Variants in CABLES1 observed in about 807,000 individuals in gnomAD.
The protein encoded by CABLES1 is CDK5 and ABL1 enzyme substrate 1.
In CABLES1, 36 loss-of-function variants were observed where a neutral mutation model predicts 57.8. That is an observed-to-expected ratio of 0.62 (90% confidence interval 0.48 to 0.82). CABLES1 has a LOEUF of 0.82. Among genes scored for constraint, CABLES1 ranks in the 40% least tolerant of loss-of-function variants. CABLES1 has a pLI of 0.00. For missense variants in CABLES1, 767 were observed against 836.6 expected, an observed-to-expected ratio of 0.92 and a Z score of 1.03; for synonymous variants, 374 against 363.0, an observed-to-expected ratio of 1.03 and a Z score of -0.35.
At chr18:23,247,981 C>G (rs139118297) in intron 7 of CABLES1, among the ~76,000 whole-genome samples, 1 of 152,318 alleles carries the variant, frequency 6.6e-6, no homozygotes, top group Non-Finnish European at 1.5e-5. Context: ...GATTTTTCCC[C>G]GCCTCTCTGT....
chr18:23,194,612 T>C, intron 3 of CABLES1, 72 bp downstream of exon 3: 1 of 1,012,620 alleles, frequency 9.9e-7, no homozygotes, highest in Non-Finnish European at 1.6e-6. Context: ...GGGACAGTTT[T>C]AGTGGCCAAA....
Position 23,136,312 on chromosome 18 carries a change from C to A in CABLES1, c.550C>A (p.Arg184=). 7.1e-7 allele frequency: 1 copy of A among 1,400,112 alleles called. No homozygotes were observed. The highest frequency in any genetic ancestry group is 9.2e-7 in the Non-Finnish European group (1 of 1,082,942). The allele number at this position is 1,400,112 out of a possible 1,614,324, so 86.7% of individuals were successfully genotyped here. Residue 184 remains arginine (R), a synonymous_variant, in exon 1 of 10, where the codon CGG becomes AGG. Coordinates refer to ENST00000256925, the MANE Select transcript of CABLES1 (RefSeq NM_001100619.3). ...RASGEQWQPP[R]PAPLAACAQL... is the part of the protein sequence containing the mutation. Reference sequence around the variant, plus strand: ...GTCGGGGGAGCAGTGGCAGCCGCCCCGGCCGGCGCCTCTCGCCGCCTGTGC... The same window carrying A: ...GTCGGGGGAGCAGTGGCAGCCGCCCAGGCCGGCGCCTCTCGCCGCCTGTGC...
At chr18:23,249,185 C>T (rs1480087402) in intron 7 of CABLES1, among the ~76,000 whole-genome samples, 1 of 152,244 alleles carries the variant, frequency 6.6e-6, no homozygotes, top group Non-Finnish European at 1.5e-5. Context: ...ATCAGAGCAT[C>T]CAATAGGAGG....
Position 23,143,501 on chromosome 18 carries a change from C to T in CABLES1, c.845+6894C>T, listed in dbSNP as rs541454974. Among the ~76,000 whole-genome samples, 9 of 152,332 alleles carry T rather than the reference C, an allele frequency of 5.9e-5. No individual in the cohort carries two copies. The South Asian group carries it at 1.7e-3, about 28-fold the overall frequency. ...GTTTCCCGCTGTATCTTCTCAGCAT[C>T]ACCCTTTCCCCAACTGCCCCTCTGG... On this transcript the variant is annotated intron_variant, in intron 1 of 9. Transcript: ENST00000256925.
At chr18:23,138,272 C>T (rs775966785) in intron 1 of CABLES1, among the ~76,000 whole-genome samples, 7 of 152,130 alleles carry the variant, frequency 4.6e-5, no homozygotes, top group Non-Finnish European at 8.8e-5. Context: ...CTTGTGTGTT[C>T]GCATTTCTGA....
At chr18:23,203,529 G>A (rs2047341244) in intron 3 of CABLES1, among the ~76,000 whole-genome samples, 2 of 152,106 alleles carry the variant, frequency 1.3e-5, no homozygotes, top group African/African-American at 2.4e-5. Flanking sequence ...AAGGAAGATG[G>A]TAAAAGTACA....
chr18:23,143,045 C>T (rs1048962673), intron 1 of CABLES1, among the ~76,000 whole-genome samples: 3 of 152,134 alleles, frequency 2.0e-5, no homozygotes, highest in Admixed American at 1.3e-4. Flanking sequence ...CTCTGCTGTG[C>T]TACAATTTAC....
At chr18:23,162,114 G>A (rs1042552510) in intron 1 of CABLES1, among the ~76,000 whole-genome samples, 6 of 151,022 alleles carry the variant, frequency 4.0e-5, no homozygotes, top group African/African-American at 7.3e-5. Flanking sequence ...GCAGTGAGCC[G>A]AGACTGCACC....
At chr18:23,241,284 G>C (rs890811887) in intron 7 of CABLES1, among the ~76,000 whole-genome samples, 1 of 152,072 alleles carries the variant, frequency 6.6e-6, no homozygotes, top group Non-Finnish European at 1.5e-5. Context: ...CACTTTGGGA[G>C]GCCGAGGTGG....
intron 3 of CABLES1, among the ~76,000 whole-genome samples, chr18:23,195,635 G>A (rs1022492000): frequency 6.6e-6 from 1 of 152,160 alleles, no homozygotes; most frequent in Non-Finnish European, 1.5e-5. Flanking sequence ...AGTGGTTTCA[G>A]AATAGCAAAA....
intron 1 of CABLES1, among the ~76,000 whole-genome samples, chr18:23,159,352 G>A (rs1261713143): frequency 6.6e-6 from 1 of 152,212 alleles, no homozygotes; most frequent in African/African-American, 2.4e-5. Context: ...GCAGCCCAGA[G>A]TTCCTATGAG....
At chr18:23,192,527 C>G (rs1395716851) in intron 2 of CABLES1, among the ~76,000 whole-genome samples, 2 of 152,174 alleles carry the variant, frequency 1.3e-5, no homozygotes, top group African/African-American at 4.8e-5. Flanking sequence ...CCAGAGTCTG[C>G]TGAGGTGGCA....
At chr18:23,253,614 C>A in intron 8 of CABLES1, 115 bp from the exon 9 acceptor site, 1 of 860,342 alleles carries the variant, frequency 1.2e-6, no homozygotes, top group Non-Finnish European at 1.8e-6. Context: ...AATCCCAGTC[C>A]AGATCACCCT....
At position 23,188,823 on chromosome 18, in the gene CABLES1, TC is replaced by T. The variant is rs1303277542; in HGVS notation, c.846-13del. 1.2e-6 allele frequency: 2 copies of T among 1,608,986 alleles called. No homozygotes were observed. The highest frequency in any genetic ancestry group is 1.7e-6 in the Non-Finnish European group (2 of 1,175,352). ...ATGCAGTTTTAACTCCCAGATTTTT[TC>T]CTTCTTTCTGCAGACGGCGCCTCAT... On this transcript the variant is annotated splice_polypyrimidine_tract_variant and intron_variant, in intron 1 of 9. Transcript: ENST00000256925.
At chr18:23,136,806 G>C (rs1300976806) in intron 1 of CABLES1, among the ~76,000 whole-genome samples, 199 bp downstream of exon 1, 1 of 152,256 alleles carries the variant, frequency 6.6e-6, no homozygotes, top group African/African-American at 2.4e-5. Context: ...GGTTACACGT[G>C]TTTGCACGAG....
At chr18:23,228,557 C>T (rs2145074006) in intron 4 of CABLES1, among the ~76,000 whole-genome samples, 1 of 152,084 alleles carries the variant, frequency 6.6e-6, no homozygotes, top group South Asian at 2.1e-4. Flanking sequence ...GTTTACACTC[C>T]CAAAATGAAC....
chr18:23,188,996 A>G (rs2047222638), intron 2 of CABLES1, 87 bp downstream of exon 2: 1 of 854,540 alleles, frequency 1.2e-6, no homozygotes, highest in South Asian at 1.7e-5. Flanking sequence ...CTTGATCTAT[A>G]GAATTAAATT....
chr18:23,246,612 C>T (rs12970691), intron 7 of CABLES1, among the ~76,000 whole-genome samples: 83,313 of 151,232 alleles, frequency 0.55, 23,195 homozygotes, highest in Admixed American at 0.62. Flanking sequence ...AGGATGGTCT[C>T]GATCTCCTGA....
chr18:23,175,877 A>G (rs1039471462), intron 1 of CABLES1, among the ~76,000 whole-genome samples: 3 of 152,216 alleles, frequency 2.0e-5, no homozygotes, highest in African/African-American at 4.8e-5. Context: ...AGGGGTTTCA[A>G]AGAAAGAAAG....
Sources: gnomAD v4.1 joint callset for allele counts (sites outside exome capture counted in the v4.1 genomes callset) on GRCh38, gnomAD v4.1.1 for gene constraint, MANE v1.5 for transcripts, NCBI Gene and HGNC (gene_info 2026-07-23, HGNC 2026-07-21) for gene names.